ERG: variants seen among roughly 807,000 people sequenced by gnomAD.
The protein encoded by ERG is ETS transcription factor ERG.
A neutral mutation model predicts 55.3 loss-of-function variants in ERG; 9 were observed. That is an observed-to-expected ratio of 0.16 (90% CI 0.10 to 0.28). The LOEUF (loss-of-function observed/expected upper bound fraction) is 0.28. Among genes scored for constraint, ERG ranks in the 10% least tolerant of loss-of-function variants. The probability of loss-of-function intolerance (pLI) is 1.00; values close to 1 mark genes in which losing one functional copy is unlikely to be tolerated. For synonymous variants in ERG, 223 were observed against 237.3 expected (o/e 0.94, Z 0.55); for missense variants, 434 against 631.6 (o/e 0.69, Z 3.35).
At chr21:38,557,791 GGGGGC>G (rs2059867277) in intron 2 of ERG, among the ~76,000 whole-genome samples, 1 of 152,002 alleles carries the variant, frequency 6.6e-6, no homozygotes, top group Admixed American at 6.6e-5. Context: ...GTATGACTTT[GGGGGC>G]ATCTGTTCTA....
chr21:38,544,099 C>A (rs958974805), intron 2 of ERG, among the ~76,000 whole-genome samples: 4 of 152,030 alleles, frequency 2.6e-5, no homozygotes, highest in Non-Finnish European at 5.9e-5. Flanking sequence ...TGATGAAGAC[C>A]CAAAGAAAGT....
At chr21:38,523,007 G>C (rs926150438) in intron 2 of ERG, among the ~76,000 whole-genome samples, 4 of 152,192 alleles carry the variant, frequency 2.6e-5, no homozygotes, top group Admixed American at 2.0e-4. Context: ...GACTAGGGTA[G>C]TTACTTCTCA....
At chr21:38,525,723 A>G (rs1044834507) in intron 2 of ERG, among the ~76,000 whole-genome samples, 1 of 152,196 alleles carries the variant, frequency 6.6e-6, no homozygotes, top group African/African-American at 2.4e-5. Flanking sequence ...ACCAACCTCT[A>G]GACATCTCCT....
intron 2 of ERG, among the ~76,000 whole-genome samples, chr21:38,427,407 C>T (rs1383258179): frequency 6.6e-6 from 1 of 152,188 alleles, no homozygotes; most frequent in Non-Finnish European, 1.5e-5. Context: ...AAAAGAGTAG[C>T]CTTAACATGT....
At chr21:38,397,811 C>T (rs1988302254) in intron 6 of ERG, among the ~76,000 whole-genome samples, 1 of 151,994 alleles carries the variant, frequency 6.6e-6, no homozygotes, top group Non-Finnish European at 1.5e-5. Context: ...AACCAGTAAA[C>T]CCTGAACACC....
rs543658178 is a variant in ERG at position 38,594,317 on chromosome 21, G to A, written c.-149-9372C>T. Among the ~76,000 whole-genome samples the A allele has an allele frequency of 7.2e-5, 11 of 152,142 alleles. 1 individual carries two copies. In the South Asian group the frequency reaches 1.0e-3, roughly 14 times the overall value. On this transcript the variant is annotated intron_variant, in intron 1 of 10. Transcript: ENST00000398910. ...ATTTAAAATAGAAATCATGAACCCCGCCACAAACATGCTTCCCCGACACTC... is the reference window on the plus strand; with the variant it reads ...ATTTAAAATAGAAATCATGAACCCCACCACAAACATGCTTCCCCGACACTC...
chr21:38,522,545 G>T (rs1389556218), intron 2 of ERG, among the ~76,000 whole-genome samples: 1 of 152,128 alleles, frequency 6.6e-6, no homozygotes, highest in Non-Finnish European at 1.5e-5. Context: ...AATGGATATT[G>T]CCATAACTGC....
At chr21:38,640,722 T>A (rs2060419240) in intron 1 of ERG, among the ~76,000 whole-genome samples, 1 of 152,090 alleles carries the variant, frequency 6.6e-6, no homozygotes, top group South Asian at 2.1e-4. Flanking sequence ...AACTACCCAG[T>A]CTCAGGTACA....
In ERG at chr21:38,383,501, C is replaced by T. The variant is rs2146411013; in HGVS notation, c.1342G>A (p.Ala448Thr). 1 of 1,556,434 alleles carries T rather than the reference C, an allele frequency of 6.4e-7. No homozygotes were observed. Residue 448 changes from alanine (A) to threonine (T), a missense_variant, in exon 10 of 10, where the codon GCC becomes ACC. Transcript: ENST00000288319. The surrounding 1 kb of genome is among the most constrained non-coding windows in gnomAD (Gnocchi z 5.7). ...LPVTSSSFFA[A>T]PNPYWNSPTG... ...GGTGAATTCCAGTATGGGTTTGGGG[C>T]AGCAAAAAAACTGGAAGATGTCACG...
Position 38,380,494 on chromosome 21 carries a change from C to T in ERG, c.*2909G>A. ...TTGAAGACAAGAAAAGAAGACAAATCTCTTGCCAGCAGGAGTAAGATTGTA... is the reference window on the plus strand; with the variant it reads ...TTGAAGACAAGAAAAGAAGACAAATTTCTTGCCAGCAGGAGTAAGATTGTA... On this transcript the variant is annotated 3_prime_UTR_variant, in exon 10 of 10. Coordinates refer to ENST00000288319, the MANE Select transcript of ERG (RefSeq NM_182918.4). 2 of 1,065,442 alleles carry T rather than the reference C, an allele frequency of 1.9e-6. No individual in the cohort carries two copies. The highest frequency in any genetic ancestry group is 4.2e-4 in the Middle Eastern group (1 of 2,400). The allele number at this position is 1,065,442 out of a possible 1,614,324, so 66.0% of individuals were successfully genotyped here.
intron 2 of ERG, among the ~76,000 whole-genome samples, chr21:38,509,490 C>A (rs2059495197): frequency 6.6e-6 from 1 of 152,136 alleles, no homozygotes; most frequent in South Asian, 2.1e-4. Flanking sequence ...ATCAACAGTT[C>A]CTTCCTATTC....
chr21:38,583,910 G>T (rs1446325493), intron 1 of ERG, among the ~76,000 whole-genome samples: 1 of 152,198 alleles, frequency 6.6e-6, no homozygotes, highest in Non-Finnish European at 1.5e-5. Context: ...ATGAATTTCT[G>T]TTGTTTTAAG....
chr21:38,476,978 G>C (rs2059193861), intron 1 of ERG, among the ~76,000 whole-genome samples: 1 of 148,814 alleles, frequency 6.7e-6, no homozygotes, highest in South Asian at 2.2e-4. Context: ...CTTGATGCTT[G>C]AGAGATTCTT....
intron 2 of ERG, among the ~76,000 whole-genome samples, chr21:38,538,399 T>C (rs1385380637): frequency 6.6e-6 from 1 of 152,024 alleles, no homozygotes; most frequent in Non-Finnish European, 1.5e-5. Flanking sequence ...AAAAAGAAGA[T>C]TCCTGGGTCT....
chr21:38,544,608 C>T (rs1210004171), intron 2 of ERG, among the ~76,000 whole-genome samples: 3 of 152,142 alleles, frequency 2.0e-5, no homozygotes, highest in Non-Finnish European at 4.4e-5. Flanking sequence ...CTTTACATTT[C>T]CTTTCCCAGG....
chr21:38,414,067 G>A lies in ERG; in HGVS notation c.388+9343C>T, dbSNP rs184629645. Among the ~76,000 whole-genome samples, 136 of 152,274 alleles carry A rather than the reference G, an allele frequency of 8.9e-4. 3 individuals carry two copies. The highest frequency in any genetic ancestry group is 2.7e-3 in the Admixed American group (42 of 15,292). Reference sequence around the variant, plus strand: ...TGGAGGATCAAAGTCTGAAATCAAGGTATCAGCAAGGCCTTGCTCCATCCG... The same window carrying A: ...TGGAGGATCAAAGTCTGAAATCAAGATATCAGCAAGGCCTTGCTCCATCCG... On this transcript the variant is annotated intron_variant, in intron 3 of 9. Coordinates refer to ENST00000288319, the MANE Select transcript of ERG (RefSeq NM_182918.4).
intron 1 of ERG, among the ~76,000 whole-genome samples, chr21:38,463,094 C>T (rs935939195): frequency 6.6e-6 from 1 of 152,158 alleles, no homozygotes; most frequent in African/African-American, 2.4e-5. Flanking sequence ...TGGCAAGTGG[C>T]ACTCCCCAAT....
intron 2 of ERG, among the ~76,000 whole-genome samples, chr21:38,431,531 A>G (rs376539220): frequency 6.6e-6 from 1 of 152,210 alleles, no homozygotes; most frequent in East Asian, 1.9e-4. Flanking sequence ...AAAAATGAGG[A>G]AACAAGGGCC....
At chr21:38,593,294 A>C (rs550090124) in intron 1 of ERG, among the ~76,000 whole-genome samples, 7 of 152,336 alleles carry the variant, frequency 4.6e-5, no homozygotes, top group African/African-American at 1.7e-4. Context: ...TATAAATATG[A>C]CTTCTCTCCT....
Sources: allele counts gnomAD v4.1 joint callset (sites outside exome capture counted in the v4.1 genomes callset), GRCh38; gene constraint gnomAD v4.1.1; non-coding constraint Gnocchi (gnomAD v3.1); transcripts MANE v1.5; gene names NCBI Gene and HGNC (gene_info 2026-07-23, HGNC 2026-07-21).